UST: variants seen among roughly 807,000 people sequenced by gnomAD.
UST encodes chondroitin sulfate 2-O-sulfotransferase.
UST carries 21 observed loss-of-function variants against 45.6 expected under a neutral mutation model. The observed-to-expected ratio is 0.46, with a 90% CI of 0.33 to 0.66. The LOEUF (loss-of-function observed/expected upper bound fraction) is 0.66, where lower values mean the gene tolerates loss of function less well. Among genes scored for constraint, UST ranks in the 30% least tolerant of loss-of-function variants. The probability of loss-of-function intolerance (pLI) is 0.02; values close to 1 mark genes in which losing one functional copy is unlikely to be tolerated. For missense variants in UST, 463 were observed against 512.4 expected, an observed-to-expected ratio of 0.90 and a Z score of 0.93; for synonymous variants, 215 against 200.6, an observed-to-expected ratio of 1.07 and a Z score of -0.61.
intron 5 of UST, among the ~76,000 whole-genome samples, chr6:148,995,266 G>T (rs545478553): frequency 1.3e-5 from 2 of 152,208 alleles, no homozygotes; most frequent in Non-Finnish European, 2.9e-5. Context: ...CAAGTGATCC[G>T]CCCGCCTCGG....
chr6:148,976,039 ATTC>A (rs1322194418), intron 5 of UST, among the ~76,000 whole-genome samples: 2 of 152,374 alleles, frequency 1.3e-5, no homozygotes, highest in African/African-American at 4.8e-5. Context: ...CAAAGAATTT[ATTC>A]TTAAAGATAT....
intron 1 of UST, among the ~76,000 whole-genome samples, chr6:148,787,961 A>G (rs1213579332): frequency 6.6e-6 from 1 of 152,208 alleles, no homozygotes; most frequent in Non-Finnish European, 1.5e-5. Flanking sequence ...TCAGTTTTAA[A>G]AAATAGATTG....
intron 1 of UST, among the ~76,000 whole-genome samples, chr6:148,786,730 T>A (rs948509785): frequency 1.3e-5 from 2 of 152,236 alleles, no homozygotes; most frequent in African/African-American, 4.8e-5. Context: ...ATAGAACTAC[T>A]TATACTCCTT....
chr6:148,877,709 G>A (rs964509570), intron 1 of UST, among the ~76,000 whole-genome samples: 4 of 114,126 alleles, frequency 3.5e-5, no homozygotes, highest in African/African-American at 1.3e-4. Flanking sequence ...GTGAGGGGTC[G>A]TGTATGAGTG....
intron 1 of UST, among the ~76,000 whole-genome samples, chr6:148,758,328 T>TA (rs1776135619): frequency 6.6e-6 from 1 of 152,220 alleles, no homozygotes; most frequent in African/African-American, 2.4e-5. Flanking sequence ...TTCCTGGAGA[T>TA]AGTCTTTAAA....
chr6:148,939,582 C>A (rs1488925953), intron 2 of UST, among the ~76,000 whole-genome samples: 2 of 152,062 alleles, frequency 1.3e-5, no homozygotes, highest in Non-Finnish European at 2.9e-5. Flanking sequence ...GAATTTTTGA[C>A]AAGGGTACTA....
intron 2 of UST, among the ~76,000 whole-genome samples, chr6:148,936,862 A>G (rs1337250789): frequency 6.6e-6 from 1 of 151,736 alleles, no homozygotes; most frequent in Non-Finnish European, 1.5e-5. Flanking sequence ...CTCCTAGCTA[A>G]TTTTGTATTT....
intron 2 of UST, among the ~76,000 whole-genome samples, chr6:148,892,996 TA>T (rs1779049808): frequency 2.0e-5 from 3 of 152,184 alleles, no homozygotes; most frequent in Non-Finnish European, 2.9e-5. Context: ...TTCTTTGTAA[TA>T]TCTCTAAGAA....
chr6:148,969,175 C>T (rs2114965469), intron 5 of UST, among the ~76,000 whole-genome samples: 1 of 152,336 alleles, frequency 6.6e-6, no homozygotes, highest in Middle Eastern at 3.4e-3. Context: ...TCCACTCTGT[C>T]CCAACCAGCT....
At chr6:148,783,849 G>A (rs567821324) in intron 1 of UST, among the ~76,000 whole-genome samples, 2 of 152,212 alleles carry the variant, frequency 1.3e-5, no homozygotes, top group Admixed American at 6.5e-5. Flanking sequence ...CCAGGGGGTT[G>A]GGGACAGAAA....
chr6:148,984,695 G>T (rs1205112006), intron 5 of UST, among the ~76,000 whole-genome samples: 1 of 152,094 alleles, frequency 6.6e-6, no homozygotes, highest in East Asian at 1.9e-4. Context: ...CTACCCTAGC[G>T]AATGGGGCCT....
At chr6:148,901,411 C>T (rs978907498) in intron 2 of UST, among the ~76,000 whole-genome samples, 2 of 152,150 alleles carry the variant, frequency 1.3e-5, no homozygotes, top group Admixed American at 1.3e-4. Flanking sequence ...GCTTATATAG[C>T]TCAGGGATCC....
intron 1 of UST, among the ~76,000 whole-genome samples, chr6:148,881,515 C>T (rs1778822684): frequency 6.6e-6 from 1 of 152,224 alleles, no homozygotes; most frequent in Non-Finnish European, 1.5e-5. Flanking sequence ...CCGTCTGGAT[C>T]TGAGCCTGGG....
intron 7 of UST, among the ~76,000 whole-genome samples, chr6:149,042,958 TCTTTCTTTCTTTC>T (rs1277038361): frequency 1.7e-4 from 6 of 35,754 alleles, no homozygotes; most frequent in African/African-American, 7.1e-4. Flanking sequence ...ACCATCCTTT[TCTTTCTTTCTTTC>T]TTTCTTTCTT....
intron 7 of UST, among the ~76,000 whole-genome samples, chr6:149,061,906 A>C (rs547499071): frequency 1.3e-5 from 2 of 152,396 alleles, no homozygotes; most frequent in Admixed American, 6.5e-5. Context: ...ATGGAGAAAC[A>C]TCACTAAAAA....
chr6:148,959,794 G>A (rs1475192270), intron 4 of UST, among the ~76,000 whole-genome samples: 1 of 151,992 alleles, frequency 6.6e-6, no homozygotes, highest in Admixed American at 6.6e-5. Flanking sequence ...GGGACAGACC[G>A]GAGAGCAGAG....
At chr6:148,941,626 A>C (rs1183190121) in intron 3 of UST, among the ~76,000 whole-genome samples, 192 bp downstream of exon 3, 1 of 152,176 alleles carries the variant, frequency 6.6e-6, no homozygotes, top group African/African-American at 2.4e-5. Flanking sequence ...AAACCAGGGA[A>C]TATCCATGAA....
intron 7 of UST, among the ~76,000 whole-genome samples, chr6:149,039,930 CT>C (rs1343119234): frequency 2.6e-5 from 4 of 152,228 alleles, no homozygotes; most frequent in African/African-American, 9.6e-5. Flanking sequence ...TCCTTCTCTC[CT>C]TTCTGACCTC....
At chr6:149,031,527 A>G (rs1776142774) in intron 7 of UST, among the ~76,000 whole-genome samples, 2 of 152,222 alleles carry the variant, frequency 1.3e-5, no homozygotes, top group South Asian at 2.1e-4. Context: ...ATTGGAAAAC[A>G]TGTTTTACTC....
Sources: gnomAD v4.1 joint callset for allele counts (sites outside exome capture counted in the v4.1 genomes callset) on GRCh38, gnomAD v4.1.1 for gene constraint, MANE v1.5 for transcripts, NCBI Gene and HGNC (gene_info 2026-07-23, HGNC 2026-07-21) for gene names.